Variants in NPFFR2 observed in about 807,000 individuals in gnomAD.
NPFFR2 encodes neuropeptide FF receptor 2.
NPFFR2 carries 15 observed loss-of-function variants against 13.1 expected under a neutral mutation model. The observed-to-expected ratio is 1.15, with a 90% CI of 0.77 to 1.76. The LOEUF is 1.76. Among genes scored for constraint, NPFFR2 ranks in the 40% most tolerant of loss-of-function variants. NPFFR2 has a pLI of 0.00. For synonymous variants in NPFFR2, 190 were observed against 175.7 expected, an observed-to-expected ratio of 1.08 and a Z score of -0.65; for missense variants, 572 against 503.5, an observed-to-expected ratio of 1.14 and a Z score of -1.30.
At chr4:72,054,926 TATC>T (rs1190284199) in intron 1 of NPFFR2, among the ~76,000 whole-genome samples, 10 of 151,922 alleles carry the variant, frequency 6.6e-5, no homozygotes, top group African/African-American at 2.4e-4. Flanking sequence ...ACAAGGGTGA[TATC>T]ATCCCCAAGG....
At chr4:72,129,349 G>A (rs959761267) in intron 2 of NPFFR2, among the ~76,000 whole-genome samples, 9 of 134,510 alleles carry the variant, frequency 6.7e-5, no homozygotes, top group South Asian at 2.8e-4. Context: ...GGGAACCAGC[G>A]TTCAGCATAT....
chr4:72,128,767 G>T lies in NPFFR2; in HGVS notation c.176G>T (p.Cys59Phe), dbSNP rs1578474572. Reference sequence around the variant, plus strand: ...TCCTACTTTCTGATCTTCTTTTTGTGCATGATGGGAAATACTGTGGTTTGC... The same window carrying T: ...TCCTACTTTCTGATCTTCTTTTTGTTCATGATGGGAAATACTGTGGTTTGC... ...IISYFLIFFL[C>F]MMGNTVVCFI... Residue 59 changes from cysteine (C) to phenylalanine (F), a missense_variant, in exon 2 of 4, where the codon TGC (cysteine) becomes TTC (phenylalanine). Transcript: ENST00000308744. The T allele has an allele frequency of 3.7e-6, 6 of 1,613,954 alleles. No homozygotes were observed. The African/African-American group carries it at 5.3e-5, about 14-fold the overall frequency.
chr4:72,088,324 T>G (rs979196545), intron 1 of NPFFR2, among the ~76,000 whole-genome samples: 1 of 152,066 alleles, frequency 6.6e-6, no homozygotes, highest in African/African-American at 2.4e-5. Context: ...CTTTCCTGAG[T>G]GTCTCTAACA....
intron 1 of NPFFR2, among the ~76,000 whole-genome samples, chr4:72,096,703 A>G (rs1238449619): frequency 6.6e-6 from 1 of 152,144 alleles, no homozygotes; most frequent in Admixed American, 6.5e-5. Flanking sequence ...CATCTTACTT[A>G]TATACACTAG....
intron 1 of NPFFR2, among the ~76,000 whole-genome samples, chr4:72,128,228 A>C (rs1429639542): frequency 6.8e-6 from 1 of 147,936 alleles, no homozygotes; most frequent in African/African-American, 2.4e-5. Context: ...TTAAATTAAT[A>C]AGTGAGTCTT....
intron 1 of NPFFR2, among the ~76,000 whole-genome samples, chr4:72,105,317 G>A (rs1055515031): frequency 1.3e-5 from 2 of 151,600 alleles, no homozygotes; most frequent in Non-Finnish European, 2.9e-5. Context: ...GAAATACAAA[G>A]GAAATAACCT....
chr4:72,059,818 C>T (rs1490426625), intron 1 of NPFFR2, among the ~76,000 whole-genome samples: 1 of 152,056 alleles, frequency 6.6e-6, no homozygotes. Context: ...CAGACTCAGG[C>T]TAATGTTCTA....
At chr4:72,037,319 G>T (rs1476446379) in intron 1 of NPFFR2, among the ~76,000 whole-genome samples, 9 of 150,372 alleles carry the variant, frequency 6.0e-5, no homozygotes, top group Non-Finnish European at 1.0e-4. Flanking sequence ...TGGGAGGATT[G>T]CTTGACCCCT....
At chr4:72,127,553 C>T (rs530867687) in intron 1 of NPFFR2, among the ~76,000 whole-genome samples, 9 of 128,370 alleles carry the variant, frequency 7.0e-5, no homozygotes, top group Non-Finnish European at 1.4e-4. Flanking sequence ...TTAGTAGAGA[C>T]GGGGTTTCAC....
chr4:72,038,838 G>C (rs1279558389), intron 1 of NPFFR2, among the ~76,000 whole-genome samples: 3 of 149,084 alleles, frequency 2.0e-5, no homozygotes, highest in Admixed American at 2.0e-4. Flanking sequence ...ATATAATTTT[G>C]CATAAGTGCC....
chr4:72,128,953 T>G, intron 2 of NPFFR2, 34 bp downstream of exon 2: 11 of 1,482,330 alleles, frequency 7.4e-6, no homozygotes, highest in Non-Finnish European at 1.0e-5. Flanking sequence ...GAAGATAATA[T>G]GAAATATTTG....
At chr4:72,114,685 C>T (rs949182636) in intron 1 of NPFFR2, among the ~76,000 whole-genome samples, 9 of 152,054 alleles carry the variant, frequency 5.9e-5, no homozygotes, top group Non-Finnish European at 1.5e-5. Flanking sequence ...TCTCCTGACC[C>T]CAGAAGTCAC....
At chr4:72,105,888 G>T (rs1366368712) in intron 1 of NPFFR2, among the ~76,000 whole-genome samples, 2 of 151,964 alleles carry the variant, frequency 1.3e-5, no homozygotes, top group Non-Finnish European at 2.9e-5. Flanking sequence ...TATGTAACAG[G>T]ATGTTATAAC....
intron 1 of NPFFR2, among the ~76,000 whole-genome samples, chr4:72,050,365 A>C (rs1719507523): frequency 1.3e-5 from 2 of 152,066 alleles, no homozygotes; most frequent in Admixed American, 6.6e-5. Context: ...TCAAAAGTTA[A>C]ACTGAAAAAC....
chr4:72,059,015 C>G (rs1719842428), intron 1 of NPFFR2, among the ~76,000 whole-genome samples: 1 of 152,108 alleles, frequency 6.6e-6, no homozygotes. Context: ...TAATGGAACT[C>G]TCTTTCCCTT....
chr4:72,143,794 A>C (rs2109849250), intron 3 of NPFFR2, among the ~76,000 whole-genome samples: 1 of 152,326 alleles, frequency 6.6e-6, no homozygotes, highest in Non-Finnish European at 1.5e-5. Context: ...TTAGTTCCTA[A>C]GCAGAACAGA....
intron 2 of NPFFR2, among the ~76,000 whole-genome samples, chr4:72,130,462 G>A (rs1439485648): frequency 6.6e-6 from 1 of 152,048 alleles, no homozygotes; most frequent in Non-Finnish European, 1.5e-5. Context: ...TAAAGCTTAG[G>A]GTAGCACCCT....
chr4:72,063,758 A>G (rs1247178148), intron 1 of NPFFR2, among the ~76,000 whole-genome samples: 1 of 152,214 alleles, frequency 6.6e-6, no homozygotes, highest in African/African-American at 2.4e-5. Context: ...AGGGGCTTCA[A>G]GATAGTTCAA....
At position 72,102,640 on chromosome 4, in the gene NPFFR2, C is replaced by G. The variant is rs529081916; in HGVS notation, c.-7-25945C>G. 3.2e-3 allele frequency among the ~76,000 whole-genome samples: 473 copies of G among 149,666 alleles called. 4 individuals are homozygous for G. The highest frequency in any genetic ancestry group is 0.011 in the African/African-American group (446 of 40,646). Reference sequence around the variant, plus strand: ...AATATGCGGTGTTTGTTTTTTTGTCCTTGCGATAGTTTGCTGAGAATGATG... The same window carrying G: ...AATATGCGGTGTTTGTTTTTTTGTCGTTGCGATAGTTTGCTGAGAATGATG... On this transcript the variant is annotated intron_variant, in intron 1 of 3. Transcript: ENST00000308744.
Sources: allele counts gnomAD v4.1 joint callset (sites outside exome capture counted in the v4.1 genomes callset), GRCh38; gene constraint gnomAD v4.1.1; transcripts MANE v1.5; gene names NCBI Gene and HGNC (gene_info 2026-07-23, HGNC 2026-07-21).